Variants in ZNF804A observed in about 807,000 individuals in gnomAD.
ZNF804A encodes zinc finger protein 804A.
In ZNF804A, 2 loss-of-function variants were observed where a neutral mutation model predicts 16.5. That is an observed-to-expected ratio of 0.12 (90% confidence interval 0.05 to 0.38). The LOEUF is 0.38. ZNF804A is among the 10% of genes least tolerant of loss of function. ZNF804A has a pLI of 0.99. For synonymous variants in ZNF804A, 534 were observed against 489.6 expected (o/e 1.09, Z -1.20); for missense variants, 1,473 against 1,390.7 (o/e 1.06, Z -0.94).
chr2:184,610,787 C>G (rs1691224092), intron 1 of ZNF804A, among the ~76,000 whole-genome samples: 1 of 152,138 alleles, frequency 6.6e-6, no homozygotes. Context: ...CCCAATTTAG[C>G]AAGAAAGTCT....
At chr2:184,849,406 T>C (rs1263251123) in intron 1 of ZNF804A, among the ~76,000 whole-genome samples, 1 of 151,966 alleles carries the variant, frequency 6.6e-6, no homozygotes, top group Non-Finnish European at 1.5e-5. Flanking sequence ...GAAAAATGGA[T>C]ATCTATATGG....
chr2:184,753,734 A>G (rs746969776), intron 1 of ZNF804A, among the ~76,000 whole-genome samples: 3 of 151,836 alleles, frequency 2.0e-5, no homozygotes, highest in African/African-American at 7.2e-5. Flanking sequence ...GTGTTGACAG[A>G]CACTCAAAAA....
intron 1 of ZNF804A, among the ~76,000 whole-genome samples, chr2:184,798,860 G>A (rs762528308): frequency 6.6e-6 from 1 of 152,050 alleles, no homozygotes; most frequent in Non-Finnish European, 1.5e-5. Context: ...ATTTGAGTAG[G>A]CTATGTCAGA....
At chr2:184,799,529 T>C (rs1694691318) in intron 1 of ZNF804A, among the ~76,000 whole-genome samples, 1 of 152,006 alleles carries the variant, frequency 6.6e-6, no homozygotes, top group African/African-American at 2.4e-5. Flanking sequence ...TTCTACTTCT[T>C]CTTTTTTTTT....
intron 1 of ZNF804A, among the ~76,000 whole-genome samples, chr2:184,802,523 A>G (rs1694743587): frequency 6.6e-6 from 1 of 152,206 alleles, no homozygotes. Flanking sequence ...TATCAAAATT[A>G]CCATTTAACT....
chr2:184,890,110 A>G (rs1388799135), intron 2 of ZNF804A, among the ~76,000 whole-genome samples: 1 of 152,170 alleles, frequency 6.6e-6, no homozygotes, highest in Non-Finnish European at 1.5e-5. Flanking sequence ...TAGCATGATG[A>G]GTTCCAATCA....
At chr2:184,604,239 C>T (rs182755763) in intron 1 of ZNF804A, among the ~76,000 whole-genome samples, 32 of 136,388 alleles carry the variant, frequency 2.3e-4, no homozygotes, top group African/African-American at 7.6e-4. Flanking sequence ...GGCGCCATCT[C>T]GGCTCACTGC....
At chr2:184,798,266 T>C (rs552848178) in intron 1 of ZNF804A, among the ~76,000 whole-genome samples, 1 of 152,164 alleles carries the variant, frequency 6.6e-6, no homozygotes, top group South Asian at 2.1e-4. Context: ...TGTGCTTTTT[T>C]TTATTTTGAT....
chr2:184,833,912 A>C (rs1033424481), intron 1 of ZNF804A, among the ~76,000 whole-genome samples: 1 of 152,054 alleles, frequency 6.6e-6, no homozygotes, highest in Non-Finnish European at 1.5e-5. Context: ...GGCAGTTGAC[A>C]ATTTAATACT....
At chr2:184,696,582 A>T (rs1692835040) in intron 1 of ZNF804A, among the ~76,000 whole-genome samples, 5 of 152,198 alleles carry the variant, frequency 3.3e-5, no homozygotes, top group Admixed American at 2.6e-4. Flanking sequence ...ATGCAATATC[A>T]TGCAGCACAG....
chr2:184,885,788 A>G (rs1203884414), intron 2 of ZNF804A, among the ~76,000 whole-genome samples: 1 of 152,120 alleles, frequency 6.6e-6, no homozygotes, highest in Non-Finnish European at 1.5e-5. Flanking sequence ...CTTTCACAAG[A>G]ACAGCACAGG....
In ZNF804A at chr2:184,739,227, A is replaced by G. The variant is rs1000850866; in HGVS notation, c.112-127142A>G. 2.0e-5 allele frequency among the ~76,000 whole-genome samples: 3 copies of G among 152,308 alleles called. No individual in the cohort carries two copies. In the South Asian group the frequency reaches 6.2e-4, roughly 32 times the overall value. The stretch of plus-strand genomic sequence containing the variant: ...CCCACCATGTACATGCTTAATTATA[A>G]ACTCAAGGAATAAAAATAGTCATGT... On this transcript the variant is annotated intron_variant, in intron 1 of 3. Transcript: ENST00000302277.
intron 1 of ZNF804A, among the ~76,000 whole-genome samples, chr2:184,733,099 G>A (rs1281509148): frequency 6.6e-6 from 1 of 152,030 alleles, no homozygotes; most frequent in African/African-American, 2.4e-5. Context: ...TCTTTGTTTT[G>A]TTCCTGATCT....
Position 184,699,589 on chromosome 2 carries a change from G to T in ZNF804A, c.111+100519G>T, listed in dbSNP as rs115118582. Reference sequence around the variant, plus strand: ...AGGGAACTCTGTGTGACACTGACTGGTATGTCAGGGTAACCAAAAACGTAG... The same window carrying T: ...AGGGAACTCTGTGTGACACTGACTGTTATGTCAGGGTAACCAAAAACGTAG... On this transcript the variant is annotated intron_variant, in intron 1 of 3. Transcript: ENST00000302277. Among the ~76,000 whole-genome samples, 964 of 152,130 alleles carry T rather than the reference G, an allele frequency of 6.3e-3. 14 individuals are homozygous for T. The highest frequency in any genetic ancestry group is 0.022 in the African/African-American group (903 of 41,516).
intron 2 of ZNF804A, among the ~76,000 whole-genome samples, chr2:184,891,203 A>G (rs969548914): frequency 6.6e-6 from 1 of 152,154 alleles, no homozygotes; most frequent in Non-Finnish European, 1.5e-5. Flanking sequence ...GGTTGTCAGC[A>G]GGAAGTTTAT....
chr2:184,884,479 GC>G (rs1684856354), intron 2 of ZNF804A, among the ~76,000 whole-genome samples: 1 of 151,602 alleles, frequency 6.6e-6, no homozygotes, highest in Non-Finnish European at 1.5e-5. Flanking sequence ...CCAAACAAGA[GC>G]CCAAATAGCC....
At chr2:184,694,582 C>A (rs946232543) in intron 1 of ZNF804A, among the ~76,000 whole-genome samples, 6 of 152,072 alleles carry the variant, frequency 3.9e-5, no homozygotes, top group African/African-American at 1.2e-4. Flanking sequence ...TTGGCATTAT[C>A]TAAGTTTGAG....
intron 1 of ZNF804A, among the ~76,000 whole-genome samples, chr2:184,852,220 G>GCGGT (rs1695614819): frequency 7.3e-6 from 1 of 136,666 alleles, no homozygotes; most frequent in Non-Finnish European, 1.6e-5. Context: ...TTATGTGAAT[G>GCGGT]CGGTCTCTTT....
intron 2 of ZNF804A, among the ~76,000 whole-genome samples, chr2:184,885,610 G>A (rs1684876313): frequency 6.6e-6 from 1 of 152,118 alleles, no homozygotes; most frequent in Admixed American, 6.5e-5. Context: ...CTGAGACTGG[G>A]AAGAAAAAGA....
Sources: gnomAD v4.1 joint callset for allele counts (sites outside exome capture counted in the v4.1 genomes callset) on GRCh38, gnomAD v4.1.1 for gene constraint, MANE v1.5 for transcripts, NCBI Gene and HGNC (gene_info 2026-07-23, HGNC 2026-07-21) for gene names.